Variants in PPP1R12A observed in about 807,000 individuals in gnomAD.
PPP1R12A encodes protein phosphatase 1 regulatory subunit 12A.
In PPP1R12A, 19 loss-of-function variants were observed where a neutral mutation model predicts 139.6. The ratio of observed to expected loss-of-function variants is 0.14; its 90% CI spans 0.09 to 0.20. The LOEUF (loss-of-function observed/expected upper bound fraction) is 0.20, where lower values mean the gene tolerates loss of function less well. Ranked by LOEUF, PPP1R12A falls within the 10% of genes least tolerant of loss-of-function variation. The pLI is 1.00. For synonymous variants in PPP1R12A, 427 were observed against 420.6 expected, an observed-to-expected ratio of 1.02 and a Z score of -0.19; for missense variants, 925 against 1,211.5, an observed-to-expected ratio of 0.76 and a Z score of 3.51.
chr12:79,928,650 C>T (rs1018873799), intron 1 of PPP1R12A, among the ~76,000 whole-genome samples: 2 of 151,850 alleles, frequency 1.3e-5, no homozygotes, highest in Admixed American at 1.3e-4. Flanking sequence ...TAACATTCTC[C>T]ATCAAAAAAA....
chr12:79,873,006 A>C, intron 1 of PPP1R12A, 68 bp from the exon 2 acceptor site: 1 of 1,448,320 alleles, frequency 6.9e-7, no homozygotes, highest in South Asian at 1.3e-5. Flanking sequence ...ACATCAATAG[A>C]ATAAAATTCC....
chr12:79,781,906 G>C, intron 22 of PPP1R12A, 44 bp from the exon 23 acceptor site: 1 of 1,191,790 alleles, frequency 8.4e-7, no homozygotes, highest in East Asian at 2.6e-5. Context: ...GTGCAAAAAA[G>C]TTCAGGGGTG....
intron 1 of PPP1R12A, among the ~76,000 whole-genome samples, chr12:79,931,369 T>C (rs1565823136): frequency 6.6e-6 from 1 of 152,112 alleles, no homozygotes; most frequent in African/African-American, 2.4e-5. Context: ...AATCAATACA[T>C]AACCCCAAAA....
At chr12:79,917,055 T>C (rs1887051207) in intron 1 of PPP1R12A, among the ~76,000 whole-genome samples, 1 of 152,206 alleles carries the variant, frequency 6.6e-6, no homozygotes, top group African/African-American at 2.4e-5. Flanking sequence ...ATACCATACA[T>C]ACTGTCCTGC....
intron 3 of PPP1R12A, among the ~76,000 whole-genome samples, chr12:79,834,757 G>A (rs1480556227): frequency 6.6e-6 from 1 of 152,104 alleles, no homozygotes; most frequent in African/African-American, 2.4e-5. Context: ...AATATGCCAT[G>A]GGCATCTCAA....
chr12:79,776,649 A>G (rs1443913115), intron 24 of PPP1R12A, among the ~76,000 whole-genome samples: 1 of 152,046 alleles, frequency 6.6e-6, no homozygotes, highest in East Asian at 1.9e-4. Context: ...TGATCCAACT[A>G]TTACAAAAAT....
At chr12:79,833,783 G>C (rs1877733306) in intron 3 of PPP1R12A, among the ~76,000 whole-genome samples, 1 of 146,334 alleles carries the variant, frequency 6.8e-6, no homozygotes, top group Non-Finnish European at 1.5e-5. Context: ...GATGCAGTAA[G>C]CCAAGATCAC....
chr12:79,932,243 T>C (rs1450547751), intron 1 of PPP1R12A, among the ~76,000 whole-genome samples: 2 of 152,198 alleles, frequency 1.3e-5, no homozygotes, highest in Admixed American at 1.3e-4. Context: ...GAAAACAAGC[T>C]AAGTTCAAGA....
chr12:79,786,275 A>C (rs1425229867), intron 22 of PPP1R12A, 99 bp downstream of exon 22: 1 of 669,358 alleles, frequency 1.5e-6, no homozygotes, highest in Non-Finnish European at 2.5e-6. Context: ...CAATTATCAA[A>C]CTTCTATTTA....
intron 17 of PPP1R12A, among the ~76,000 whole-genome samples, chr12:79,795,987 T>C (rs1872465536): frequency 6.6e-6 from 1 of 152,140 alleles, no homozygotes; most frequent in Non-Finnish European, 1.5e-5. Context: ...AAGTTTGAAG[T>C]GAGTATCTCT....
chr12:79,777,461 C>CT, intron 24 of PPP1R12A: 1 of 985,140 alleles, frequency 1.0e-6, no homozygotes. Flanking sequence ...CAAAACACGC[C>CT]TACTAATATA....
chr12:79,825,852 G>C (rs1323273411), intron 5 of PPP1R12A, among the ~76,000 whole-genome samples: 1 of 151,320 alleles, frequency 6.6e-6, no homozygotes, highest in Non-Finnish European at 1.5e-5. Context: ...TTAAAATGCA[G>C]ACAATAAAAA....
At chr12:79,889,972 T>C (rs1458331751) in intron 1 of PPP1R12A, among the ~76,000 whole-genome samples, 1 of 152,026 alleles carries the variant, frequency 6.6e-6, no homozygotes, top group Admixed American at 6.6e-5. Flanking sequence ...GACCTAACCA[T>C]CTCCCAAAGG....
chr12:79,828,263 C>A, intron 5 of PPP1R12A, 57 bp downstream of exon 5: 1 of 1,417,148 alleles, frequency 7.1e-7, no homozygotes. Flanking sequence ...TCTAAATATA[C>A]TTTCTAAAAC....
At chr12:79,776,472 C>T (rs1869738553) in intron 24 of PPP1R12A, among the ~76,000 whole-genome samples, 1 of 152,096 alleles carries the variant, frequency 6.6e-6, no homozygotes, top group Non-Finnish European at 1.5e-5. Context: ...GGAAATTAGA[C>T]TTGTTCTAAA....
In PPP1R12A at chr12:79,876,583, C is replaced by T. The variant is rs563287641; in HGVS notation, c.238-3645G>A. Among the ~76,000 whole-genome samples, 2 of 152,284 alleles carry T rather than the reference C, an allele frequency of 1.3e-5. 1 individual carries two copies. The highest frequency in any genetic ancestry group is 4.8e-5 in the African/African-American group (2 of 41,566). ...CACAGATGTTCCTAGTTTATCAACACATTTCTCACCTGCAACAGGATATCA... is the reference window on the plus strand; with the variant it reads ...CACAGATGTTCCTAGTTTATCAACATATTTCTCACCTGCAACAGGATATCA... On this transcript the variant is annotated intron_variant, in intron 1 of 24. Coordinates refer to ENST00000450142, the MANE Select transcript of PPP1R12A (RefSeq NM_002480.3).
intron 2 of PPP1R12A, among the ~76,000 whole-genome samples, chr12:79,861,541 G>A (rs1195911088): frequency 6.6e-6 from 1 of 152,186 alleles, no homozygotes; most frequent in African/African-American, 2.4e-5. Flanking sequence ...GGGGTCATGG[G>A]ATTTCCCTTT....
intron 4 of PPP1R12A, among the ~76,000 whole-genome samples, chr12:79,831,520 A>G (rs940623100): frequency 1.3e-5 from 2 of 152,164 alleles, no homozygotes; most frequent in African/African-American, 4.8e-5. Context: ...GTCACCCAAG[A>G]GGAGGAAACT....
chr12:79,926,501 T>C (rs754571715), intron 1 of PPP1R12A, among the ~76,000 whole-genome samples: 2 of 152,336 alleles, frequency 1.3e-5, no homozygotes, highest in South Asian at 2.1e-4. Context: ...ACCTAATAAA[T>C]GTTTTGATTG....
Sources: gnomAD v4.1 joint callset for allele counts (sites outside exome capture counted in the v4.1 genomes callset) on GRCh38, gnomAD v4.1.1 for gene constraint, MANE v1.5 for transcripts, NCBI Gene and HGNC (gene_info 2026-07-23, HGNC 2026-07-21) for gene names.